Variants in CDKL5 observed in about 807,000 individuals in gnomAD.
The protein encoded by CDKL5 is cyclin-dependent kinase-like 5.
CDKL5 carries 8 observed loss-of-function variants against 61.7 expected under a neutral mutation model. The ratio of observed to expected loss-of-function variants is 0.13; its 90% CI spans 0.08 to 0.23. The LOEUF (loss-of-function observed/expected upper bound fraction) is 0.23. Among genes scored for constraint, CDKL5 ranks in the 10% least tolerant of loss-of-function variants. CDKL5 has a pLI of 1.00. For synonymous variants in CDKL5, 275 were observed against 272.3 expected (o/e 1.01, Z -0.10); for missense variants, 440 against 734.5 (o/e 0.60, Z 4.63).
intron 3 of CDKL5, among the ~76,000 whole-genome samples, chrX:18,553,452 TTG>T (rs1308797573): frequency 7.8e-5 from 8 of 102,372 alleles, no homozygotes; most frequent in Non-Finnish European, 1.2e-4. Context: ...TTGAAGGCAG[TTG>T]TGTGTGTGTG....
chrX:18,435,212 G>A (rs1231311090), intron 1 of CDKL5, among the ~76,000 whole-genome samples: 1 of 110,974 alleles, frequency 9.0e-6, no homozygotes, highest in East Asian at 2.8e-4. Flanking sequence ...CACACCCTCA[G>A]ACACACACCC....
At chrX:18,579,669 TAAAAG>T (rs1163974523) in intron 5 of CDKL5, among the ~76,000 whole-genome samples, 174 bp from the exon 6 acceptor site, 6 of 110,759 alleles carry the variant, frequency 5.4e-5, no homozygotes, top group Admixed American at 2.9e-4. Context: ...GAATTCCTCA[TAAAAG>T]AAAGCCCCAA....
Position 18,426,159 on chromosome X carries a change from G to T in CDKL5, c.-163+464G>T, listed in dbSNP as rs1351328240. ...CGAGTTCGGAGGGAGCCCGAGACTC[G>T]CCAGGGGCCGTCAGTCGCGGCCCGG... On this transcript the variant is annotated intron_variant, in intron 1 of 17. Coordinates refer to ENST00000623535, the MANE Select transcript of CDKL5 (RefSeq NM_001323289.2). 4 of 112,501 alleles carry T rather than the reference G, an allele frequency of 3.6e-5. No individual in the cohort carries two copies. In the East Asian group the frequency reaches 8.6e-4, roughly 24 times the overall value. 9.3% of individuals were successfully genotyped at this position (112,501 alleles called of 1,213,427 possible).
chrX:18,608,922 A>G lies in CDKL5; in HGVS notation c.2046+10A>G, dbSNP rs1926452661. The G allele has an allele frequency of 9.4e-7, 1 of 1,059,916 alleles. No individual in the cohort carries two copies. The highest frequency in any genetic ancestry group is 1.3e-6 in the Non-Finnish European group (1 of 757,055). 87.3% of individuals were successfully genotyped at this position (1,059,916 alleles called of 1,213,427 possible). On this transcript the variant is annotated intron_variant, in intron 13 of 17. Coordinates refer to ENST00000623535, the MANE Select transcript of CDKL5 (RefSeq NM_001323289.2). ...ACGCCAGAAGTCTGAGGTATGTCAC[A>G]ATAAAATATGCCTGTAAACATTTGT...
intron 3 of CDKL5, among the ~76,000 whole-genome samples, chrX:18,517,247 A>T (rs1923058212): frequency 9.0e-6 from 1 of 111,378 alleles, no homozygotes; most frequent in African/African-American, 3.3e-5. Flanking sequence ...TTCCTAAATC[A>T]TCGTTTCCCC....
In CDKL5 at chrX:18,625,140, G is replaced by A. The variant is rs140313320; in HGVS notation, c.2389G>A (p.Asp797Asn). The change falls in exon 17 of 18, where the codon GAC becomes AAC. Residue 797 changes from aspartate (D) to asparagine (N), a missense_variant. Asp to Asn is a conservative substitution (Grantham distance 23). Coordinates refer to ENST00000623535, the MANE Select transcript of CDKL5 (RefSeq NM_001323289.2). The stretch of plus-strand genomic sequence containing the variant: ...TATTTTGCTCTAGGTACCCAATTCC[G>A]ACAGCCCTGATCTTCTGACGTTGCA... The part of the protein sequence containing the change: ...KKKSQTVPNS[D>N]SPDLLTLQKS... 85 of 1,204,742 alleles carry A rather than the reference G, an allele frequency of 7.1e-5. 1 individual carries two copies. The Admixed American group carries it at 1.2e-3, about 17-fold the overall frequency.
chrX:18,482,878 G>A (rs1921640016), intron 1 of CDKL5, among the ~76,000 whole-genome samples: 2 of 111,819 alleles, frequency 1.8e-5, no homozygotes, highest in Non-Finnish European at 3.8e-5. Flanking sequence ...ACTTGATAAA[G>A]TAACATTACT....
At chrX:18,500,144 A>T (rs889966367) in intron 1 of CDKL5, among the ~76,000 whole-genome samples, 1 of 111,493 alleles carries the variant, frequency 9.0e-6, no homozygotes, top group Non-Finnish European at 1.9e-5. Flanking sequence ...CTCCTTATTT[A>T]TAAAAATTTT....
chrX:18,600,891 A>T (rs1373903938), intron 11 of CDKL5, among the ~76,000 whole-genome samples: 1 of 111,821 alleles, frequency 8.9e-6, no homozygotes, highest in Non-Finnish European at 1.9e-5. Flanking sequence ...GTCTTACATG[A>T]TTTTTCTAGG....
At chrX:18,474,375 A>G (rs1464448671) in intron 1 of CDKL5, among the ~76,000 whole-genome samples, 3 of 111,006 alleles carry the variant, frequency 2.7e-5, no homozygotes, top group East Asian at 5.6e-4. Context: ...TGTTGCCTCT[A>G]CCTTTATTAA....
In CDKL5 at chrX:18,647,212, C is replaced by T. The variant is rs61752068; in HGVS notation, c.2797+1122C>T. The stretch of plus-strand genomic sequence containing the variant: ...TTACCCAAAGCCTTGACTGTTGAGC[C>T]GGGCCTTGTTTGCAGTCCACGAAGA... On this transcript the variant is annotated intron_variant, in intron 20 of 21. Transcript: ENST00000379989. The T allele has an allele frequency of 8.3e-6, 10 of 1,208,809 alleles. No homozygotes were observed. The highest frequency in any genetic ancestry group is 1.1e-5 in the Non-Finnish European group (10 of 895,051).
chrX:18,566,593 T>C (rs1011423899), intron 4 of CDKL5, among the ~76,000 whole-genome samples: 1 of 112,300 alleles, frequency 8.9e-6, no homozygotes, highest in African/African-American at 3.2e-5. Context: ...CCGTTGAAAT[T>C]CATTGAGCAC....
Position 18,604,438 on chromosome X carries a change from G to A in CDKL5, c.1514G>A (p.Arg505Lys). The part of the protein sequence containing the change: ...SKSVSNLSEA[R>K]AQIAEPSTSR... Reference sequence around the variant, plus strand: ...TCTGTGAGCAACCTTTCTGAAGCCAGGGCCCAAATTGCGGAGCCCAGTACC... The same window carrying A: ...TCTGTGAGCAACCTTTCTGAAGCCAAGGCCCAAATTGCGGAGCCCAGTACC... The change falls in exon 12 of 18, where the codon AGG (arginine) becomes AAG (lysine). Residue 505 changes from arginine to lysine, a missense_variant. Physicochemically the swap from Arg to Lys is conservative, Grantham distance 26. Coordinates refer to ENST00000623535, the MANE Select transcript of CDKL5 (RefSeq NM_001323289.2). 8.3e-7 allele frequency: 1 copy of A among 1,211,746 alleles called. No individual in the cohort carries two copies. The highest frequency in any genetic ancestry group is 1.1e-6 in the Non-Finnish European group (1 of 895,408).
chrX:18,644,756 AGTCTGAGCCTT>A, downstream of CDKL5: 1 of 594,273 alleles, frequency 1.7e-6, no homozygotes, highest in Non-Finnish European at 2.8e-6. Flanking sequence ...TCTGGGCTGC[AGTCTGAGCCTT>A]GTCTCCTAGG....
intron 16 of CDKL5, among the ~76,000 whole-genome samples, chrX:18,620,985 C>T: frequency 8.9e-6 from 1 of 112,047 alleles, no homozygotes; most frequent in Non-Finnish European, 1.9e-5. Flanking sequence ...AGCAATCTGC[C>T]CACTTAGGCC....
intron 15 of CDKL5, among the ~76,000 whole-genome samples, chrX:18,617,667 C>T (rs141307680): frequency 1.8e-5 from 2 of 112,445 alleles, no homozygotes; most frequent in East Asian, 5.6e-4. Context: ...CATAGCTTCT[C>T]GCTTGTTTTG....
rs1195283140 is a variant in CDKL5 at position 18,639,006 on chromosome X, G to A, written c.*10249G>A. On this transcript the variant is annotated 3_prime_UTR_variant, in exon 18 of 18. Coordinates refer to ENST00000623535, the MANE Select transcript of CDKL5 (RefSeq NM_001323289.2). ...ATCCACATGCAAAAGAATGACGTTG[G>A]ACTCCTATTTCACACCATATACAAA... Among the ~76,000 whole-genome samples, 1 of 111,723 alleles carries A rather than the reference G, an allele frequency of 9.0e-6. No homozygotes were observed. The highest frequency in any genetic ancestry group is 2.8e-4 in the East Asian group (1 of 3,583).
chrX:18,603,300 C>T (rs1215602056), intron 11 of CDKL5, among the ~76,000 whole-genome samples: 1 of 111,821 alleles, frequency 8.9e-6, no homozygotes, highest in Non-Finnish European at 1.9e-5. Context: ...TTCCAACAAA[C>T]CTCACTGGAC....
chrX:18,611,555 C>T (rs942566473), intron 14 of CDKL5, among the ~76,000 whole-genome samples: 3 of 110,962 alleles, frequency 2.7e-5, no homozygotes, highest in Admixed American at 1.9e-4. Flanking sequence ...AAAGCATTAC[C>T]TCCAAAATGT....
Sources: gnomAD v4.1 joint callset for allele counts (sites outside exome capture counted in the v4.1 genomes callset) on GRCh38, gnomAD v4.1.1 for gene constraint, MANE v1.5 for transcripts, NCBI Gene and HGNC (gene_info 2026-07-23, HGNC 2026-07-21) for gene names.